Variants in MYO1D observed in about 807,000 individuals in gnomAD.
MYO1D encodes the protein myosin ID, also known as unconventional myosin-Id.
A neutral mutation model predicts 122.0 loss-of-function variants in MYO1D; 83 were observed. That is an observed-to-expected ratio of 0.68 (90% CI 0.57 to 0.82). MYO1D has a LOEUF of 0.82. Among genes scored for constraint, MYO1D ranks in the 40% least tolerant of loss-of-function variants. The pLI is 0.00. For missense variants in MYO1D, 1,157 were observed against 1,269.5 expected (o/e 0.91, Z 1.35); for synonymous variants, 464 against 446.9 (o/e 1.04, Z -0.48).
intron 21 of MYO1D, 57 bp from the exon 22 acceptor site, chr17:32,494,972 C>G (rs770055555): frequency 1.3e-6 from 2 of 1,502,816 alleles, no homozygotes; most frequent in African/African-American, 1.4e-5. Context: ...GAACAGGGCA[C>G]CTGCCCGGCA....
intron 20 of MYO1D, among the ~76,000 whole-genome samples, chr17:32,616,550 C>A (rs1252318536): frequency 1.3e-5 from 2 of 150,520 alleles, no homozygotes; most frequent in Non-Finnish European, 2.9e-5. Context: ...GAATTCCAGG[C>A]CTCAAGTGGT....
chr17:32,641,886 G>A (rs1348198562), intron 19 of MYO1D, among the ~76,000 whole-genome samples: 2 of 152,124 alleles, frequency 1.3e-5, no homozygotes, highest in African/African-American at 4.8e-5. Context: ...TAGGTTGCCT[G>A]TTCACTCTGA....
At chr17:32,631,378 T>A (rs752925065) in intron 20 of MYO1D, among the ~76,000 whole-genome samples, 2 of 152,326 alleles carry the variant, frequency 1.3e-5, no homozygotes, top group Non-Finnish European at 2.9e-5. Context: ...GTGTGGCTCA[T>A]GCCTGTAATT....
intron 1 of MYO1D, among the ~76,000 whole-genome samples, chr17:32,804,205 G>T (rs556813331): frequency 2.0e-5 from 3 of 152,054 alleles, no homozygotes; most frequent in African/African-American, 7.2e-5. Flanking sequence ...ATGCAAACAC[G>T]ATGTAAACAG....
At chr17:32,821,775 A>G (rs2090667700) in intron 1 of MYO1D, among the ~76,000 whole-genome samples, 1 of 152,252 alleles carries the variant, frequency 6.6e-6, no homozygotes, top group Non-Finnish European at 1.5e-5. Context: ...CAAAATATGA[A>G]TGCAGGGATT....
chr17:32,709,984 A>G (rs1388542485), intron 16 of MYO1D, among the ~76,000 whole-genome samples: 1 of 152,192 alleles, frequency 6.6e-6, no homozygotes, highest in Non-Finnish European at 1.5e-5. Context: ...ACTCTTAATA[A>G]GATGATTTAA....
intron 20 of MYO1D, among the ~76,000 whole-genome samples, chr17:32,635,307 CG>C (rs1195673095): frequency 2.6e-5 from 4 of 152,140 alleles, no homozygotes; most frequent in African/African-American, 9.7e-5. Flanking sequence ...GGAGGCTAAA[CG>C]ATAGCAGGGT....
chr17:32,693,372 G>C (rs1196711283), intron 16 of MYO1D, among the ~76,000 whole-genome samples: 1 of 148,442 alleles, frequency 6.7e-6, no homozygotes, highest in Non-Finnish European at 1.5e-5. Flanking sequence ...CTTGGAAAGG[G>C]AACACCTCAA....
intron 17 of MYO1D, among the ~76,000 whole-genome samples, chr17:32,655,238 G>A (rs978535268): frequency 3.9e-5 from 6 of 152,118 alleles, no homozygotes; most frequent in African/African-American, 1.2e-4. Context: ...TTCATTCAAC[G>A]AAGGTTTTCT....
chr17:32,589,489 A>G (rs321172), intron 21 of MYO1D, among the ~76,000 whole-genome samples: 97,263 of 152,020 alleles, frequency 0.64, 31,707 homozygotes, highest in African/African-American at 0.73. Context: ...GGAGTAGGGC[A>G]ATGTAAGGAT....
At chr17:32,829,999 G>A (rs1262835254) in intron 1 of MYO1D, among the ~76,000 whole-genome samples, 1 of 152,140 alleles carries the variant, frequency 6.6e-6, no homozygotes, top group Non-Finnish European at 1.5e-5. Context: ...TAAAGCTAGA[G>A]AGAAAAAGAG....
chr17:32,752,925 G>C (rs932783886), intron 11 of MYO1D, among the ~76,000 whole-genome samples: 1 of 152,028 alleles, frequency 6.6e-6, no homozygotes, highest in Non-Finnish European at 1.5e-5. Context: ...ATTTGATCTA[G>C]CAATTCCACT....
At chr17:32,520,435 C>A (rs933179453) in intron 21 of MYO1D, among the ~76,000 whole-genome samples, 1 of 152,264 alleles carries the variant, frequency 6.6e-6, no homozygotes, top group Non-Finnish European at 1.5e-5. Flanking sequence ...TTTGAAAACT[C>A]AGCGAATAGC....
chr17:32,861,108 G>A (rs138879721), intron 1 of MYO1D, among the ~76,000 whole-genome samples: 1,875 of 137,134 alleles, frequency 0.014, 20 homozygotes, highest in Admixed American at 0.022. Flanking sequence ...TCGCTCTGTT[G>A]CCCAGGCTGG....
In MYO1D at chr17:32,754,470, T is replaced by C. The variant is rs73281846; in HGVS notation, c.1467+1022A>G. Among the ~76,000 whole-genome samples, 514 of 152,344 alleles carry C rather than the reference T, an allele frequency of 3.4e-3. 5 individuals are homozygous for C. Among genetic ancestry groups the C allele is most frequent in the African/African-American group, 0.012 (483 of 41,574 alleles). On this transcript the variant is annotated intron_variant, in intron 11 of 21. Transcript: ENST00000318217. ...ATCCTCAGTAACAGACCAAGGAGAA[T>C]ATTTTAGAAAAAACTGGCCTAAAAT...
Position 32,765,076 on chromosome 17 carries a change from A to G in MYO1D, c.837T>C (p.Asn279=), listed in dbSNP as rs1239715941. The stretch of plus-strand genomic sequence containing the variant: ...TGTCACCATCTACTACAAATTTTAA[A>G]TTTCCCTGTATCAAAAGTGAAAAAA... ...KILAAILHLG[N]LKFVVDGDTP... The change falls in exon 8 of 22, where the codon AAT becomes AAC. Residue 279 remains asparagine, a synonymous_variant. Coordinates refer to ENST00000318217, the MANE Select transcript of MYO1D (RefSeq NM_015194.3). 1 of 1,610,804 alleles carries G rather than the reference A, an allele frequency of 6.2e-7. No homozygotes were observed. The highest frequency in any genetic ancestry group is 8.5e-7 in the Non-Finnish European group (1 of 1,177,868).
At position 32,638,969 on chromosome 17, in the gene MYO1D, G is replaced by C; in HGVS notation, c.2596-134C>G. ...TACTGGATGCAATAAAGATTTAAAA[G>C]GAGTAGCTGTTCCCATACTTGTGGA... On this transcript the variant is annotated intron_variant, in intron 19 of 21. Transcript: ENST00000318217. The C allele has an allele frequency of 5.0e-6, 3 of 597,140 alleles. No homozygotes were observed. In the South Asian group the frequency reaches 6.5e-5, roughly 13 times the overall value. 37.0% of individuals were successfully genotyped at this position (597,140 alleles called of 1,614,324 possible). A position where few individuals can be genotyped will look rare whatever the true frequency, so the allele number is the denominator to read the frequency against.
chr17:32,610,836 A>T (rs2087691500), intron 20 of MYO1D, among the ~76,000 whole-genome samples: 1 of 152,212 alleles, frequency 6.6e-6, no homozygotes, highest in South Asian at 2.1e-4. Flanking sequence ...TCACTACCTC[A>T]TTGCATTTGG....
intron 1 of MYO1D, among the ~76,000 whole-genome samples, chr17:32,848,091 A>ACTTTC (rs2090953939): frequency 6.6e-6 from 1 of 152,254 alleles, no homozygotes; most frequent in African/African-American, 2.4e-5. Context: ...GTACTATGAA[A>ACTTTC]AATGGGCCTC....
Sources: allele counts gnomAD v4.1 joint callset (sites outside exome capture counted in the v4.1 genomes callset), GRCh38; gene constraint gnomAD v4.1.1; transcripts MANE v1.5; gene names NCBI Gene and HGNC (gene_info 2026-07-23, HGNC 2026-07-21).